The following VEPH1 variants were observed in gnomAD, a reference collection of about 807,000 sequenced individuals.
VEPH1 encodes ventricular zone-expressed PH domain-containing protein homolog 1.
A neutral mutation model predicts 85.2 loss-of-function variants in VEPH1; 80 were observed. That is an observed-to-expected ratio of 0.94 (90% CI 0.78 to 1.13). The LOEUF is 1.13. Ranked by LOEUF, VEPH1 falls within the 50% of genes most tolerant of loss-of-function variation. VEPH1 has a pLI of 0.00. For synonymous variants in VEPH1, 297 were observed against 348.0 expected (o/e 0.85, Z 1.63); for missense variants, 955 against 980.5 (o/e 0.97, Z 0.35).
intron 7 of VEPH1, among the ~76,000 whole-genome samples, chr3:157,372,578 T>A (rs1455261874): frequency 6.6e-6 from 1 of 152,236 alleles, no homozygotes; most frequent in Non-Finnish European, 1.5e-5. Context: ...TTATTAAATC[T>A]CTTTCCTTTA....
chr3:157,351,356 G>A (rs1724847260), intron 9 of VEPH1, among the ~76,000 whole-genome samples: 1 of 152,118 alleles, frequency 6.6e-6, no homozygotes, highest in Non-Finnish European at 1.5e-5. Context: ...TGAGGCAGGA[G>A]AATCGCTTGA....
intron 9 of VEPH1, among the ~76,000 whole-genome samples, chr3:157,343,765 G>A (rs1458751218): frequency 2.6e-5 from 4 of 152,094 alleles, no homozygotes; most frequent in African/African-American, 4.8e-5. Flanking sequence ...GAACATCGAC[G>A]CAAAAATCCT....
intron 2 of VEPH1, among the ~76,000 whole-genome samples, chr3:157,478,334 C>G (rs943854974): frequency 6.6e-6 from 1 of 152,118 alleles, no homozygotes; most frequent in Non-Finnish European, 1.5e-5. Flanking sequence ...TCATCTACCC[C>G]CTAACAGGTA....
chr3:157,390,041 T>C (rs1431422040), intron 6 of VEPH1, among the ~76,000 whole-genome samples: 1 of 152,192 alleles, frequency 6.6e-6, no homozygotes, highest in Non-Finnish European at 1.5e-5. Context: ...TTCTCTCCAT[T>C]ACATATTGTT....
intron 9 of VEPH1, among the ~76,000 whole-genome samples, chr3:157,318,522 G>T (rs1720997336): frequency 6.6e-6 from 1 of 152,020 alleles, no homozygotes; most frequent in Non-Finnish European, 1.5e-5. Flanking sequence ...CAGGAGGTGG[G>T]CTTGAGCCCA....
intron 12 of VEPH1, among the ~76,000 whole-genome samples, chr3:157,280,986 G>A (rs1289775595): frequency 7.2e-5 from 11 of 152,106 alleles, no homozygotes; most frequent in African/African-American, 2.7e-4. Flanking sequence ...ATGGCCACAT[G>A]CCAAGTGCAA....
chr3:157,415,577 G>A (rs1177190058), intron 5 of VEPH1, among the ~76,000 whole-genome samples: 1 of 152,012 alleles, frequency 6.6e-6, no homozygotes, highest in Non-Finnish European at 1.5e-5. Flanking sequence ...TCTCTTCTCA[G>A]CTTTAGCCAC....
At chr3:157,316,244 G>A (rs954997620) in intron 10 of VEPH1, 1 of 151,878 alleles carries the variant, frequency 6.6e-6, no homozygotes, top group East Asian at 1.9e-4. Flanking sequence ...AGTAAATAAA[G>A]TGTCATATCA....
intron 4 of VEPH1, among the ~76,000 whole-genome samples, chr3:157,443,943 C>A (rs1327046967): frequency 1.3e-5 from 2 of 152,192 alleles, no homozygotes; most frequent in Non-Finnish European, 2.9e-5. Context: ...CATGAATTAT[C>A]ACAGTTCCTC....
At chr3:157,348,027 T>C (rs1171932735) in intron 9 of VEPH1, among the ~76,000 whole-genome samples, 1 of 152,200 alleles carries the variant, frequency 6.6e-6, no homozygotes, top group Non-Finnish European at 1.5e-5. Flanking sequence ...TCCATCTTCA[T>C]TCCACCTAGC....
At chr3:157,462,380 A>G (rs1988267) in intron 3 of VEPH1, among the ~76,000 whole-genome samples, 98,126 of 151,914 alleles carry the variant, frequency 0.65, 32,125 homozygotes, top group African/African-American at 0.74. Flanking sequence ...ATGAATACAG[A>G]ATTGCATATT....
chr3:157,307,964 A>T (rs903464180), intron 11 of VEPH1, among the ~76,000 whole-genome samples: 12 of 151,668 alleles, frequency 7.9e-5, no homozygotes, highest in African/African-American at 2.9e-4. Flanking sequence ...TACTGCTATT[A>T]TAGATGGCAT....
At chr3:157,350,232 A>G (rs1445545361) in intron 9 of VEPH1, among the ~76,000 whole-genome samples, 1 of 152,188 alleles carries the variant, frequency 6.6e-6, no homozygotes, top group Non-Finnish European at 1.5e-5. Context: ...GCGGCCAATT[A>G]ATTTTTGACA....
chr3:157,448,640 G>A (rs1734725526), intron 4 of VEPH1, among the ~76,000 whole-genome samples: 1 of 152,122 alleles, frequency 6.6e-6, no homozygotes, highest in Non-Finnish European at 1.5e-5. Context: ...TACTGAAAAG[G>A]CATTACAGAC....
intron 6 of VEPH1, among the ~76,000 whole-genome samples, chr3:157,406,399 AC>A (rs1231946933): frequency 1.3e-5 from 2 of 152,124 alleles, no homozygotes; most frequent in African/African-American, 4.8e-5. Context: ...CAGGATGAGG[AC>A]AGTAATGTGG....
intron 4 of VEPH1, chr3:157,459,536 C>T: frequency 2.1e-6 from 2 of 939,848 alleles, no homozygotes; most frequent in Non-Finnish European, 2.6e-6. Flanking sequence ...CAATTAATAT[C>T]ATGTATTGTT....
Position 157,381,221 on chromosome 3 carries a change from G to C in VEPH1, c.1062C>G (p.Asn354Lys), listed in dbSNP as rs1464099508. 1.2e-6 allele frequency: 2 copies of C among 1,613,976 alleles called. No individual in the cohort carries two copies. Among genetic ancestry groups the C allele is most frequent in the African/African-American group, 2.7e-5 (2 of 74,902 alleles). Residue 354 changes from asparagine to lysine, a missense_variant, in exon 7 of 14, where the codon AAC (asparagine) becomes AAG (lysine). Coordinates refer to ENST00000362010, the MANE Select transcript of VEPH1 (RefSeq NM_001167912.2). Reference protein sequence around the residue: ...PQSRDIFRMSNSFTAIAKLLT... With the variant: ...PQSRDIFRMSKSFTAIAKLLT... ...GGAGTTTAGCAATGGCGGTGAAGCT[G>C]TTGCTCATGCGGAAGATGTCTCTGC...
intron 11 of VEPH1, among the ~76,000 whole-genome samples, chr3:157,312,438 C>T (rs767331268): frequency 4.0e-5 from 6 of 151,742 alleles, no homozygotes; most frequent in Non-Finnish European, 5.9e-5. Context: ...TCCATATCTC[C>T]AGTCATGGCT....
At chr3:157,292,952 C>T (rs1317974873) in intron 11 of VEPH1, among the ~76,000 whole-genome samples, 2 of 144,564 alleles carry the variant, frequency 1.4e-5, no homozygotes, top group African/African-American at 5.2e-5. Context: ...CATTGCACTC[C>T]AGTCTGGGCA....
Sources: gnomAD v4.1 joint callset for allele counts (sites outside exome capture counted in the v4.1 genomes callset) on GRCh38, gnomAD v4.1.1 for gene constraint, MANE v1.5 for transcripts, NCBI Gene and HGNC (gene_info 2026-07-23, HGNC 2026-07-21) for gene names.